Variants in ZNF385D observed in about 807,000 individuals in gnomAD.
ZNF385D encodes the protein zinc finger protein 659.
Under a neutral mutation model 35.8 loss-of-function variants are expected in ZNF385D, and 15 were observed. That is an observed-to-expected ratio of 0.42 (90% confidence interval 0.28 to 0.64). The LOEUF (loss-of-function observed/expected upper bound fraction) is 0.64, where lower values mean the gene tolerates loss of function less well. Among genes scored for constraint, ZNF385D ranks in the 30% least tolerant of loss-of-function variants. The pLI is 0.23. For synonymous variants in ZNF385D, 212 were observed against 186.8 expected (o/e 1.13, Z -1.10); for missense variants, 474 against 494.6 (o/e 0.96, Z 0.39).
At chr3:22,110,117 T>C (rs200605552) in intron 3 of ZNF385D, among the ~76,000 whole-genome samples, 4 of 151,744 alleles carry the variant, frequency 2.6e-5, no homozygotes, top group Admixed American at 6.6e-5. Context: ...AGAATGGCAA[T>C]CATTAAAAAG....
At chr3:22,243,349 T>A (rs1180910952) in intron 2 of ZNF385D, among the ~76,000 whole-genome samples, 1 of 151,132 alleles carries the variant, frequency 6.6e-6, no homozygotes, top group Non-Finnish European at 1.5e-5. Flanking sequence ...AGAGAATGGC[T>A]ACAATCAAAA....
intron 3 of ZNF385D, among the ~76,000 whole-genome samples, chr3:21,922,085 G>A (rs1031837928): frequency 3.9e-5 from 6 of 151,978 alleles, no homozygotes; most frequent in African/African-American, 1.4e-4. Flanking sequence ...AACCAAGGGG[G>A]TGAAAGATCT....
intron 3 of ZNF385D, among the ~76,000 whole-genome samples, chr3:22,002,892 T>C (rs1651389684): frequency 6.6e-6 from 1 of 152,084 alleles, no homozygotes; most frequent in Admixed American, 6.5e-5. Context: ...TGATAAAACA[T>C]CTCAACAAAT....
At chr3:22,062,498 G>A (rs748990883) in intron 3 of ZNF385D, among the ~76,000 whole-genome samples, 3 of 152,204 alleles carry the variant, frequency 2.0e-5, no homozygotes, top group Non-Finnish European at 4.4e-5. Context: ...CAGCAATCAT[G>A]AAAGTTGTTT....
At chr3:22,249,153 A>G (rs1225566901) in intron 2 of ZNF385D, among the ~76,000 whole-genome samples, 2 of 152,140 alleles carry the variant, frequency 1.3e-5, no homozygotes, top group Non-Finnish European at 1.5e-5. Context: ...AGCCATGTCC[A>G]TTCTAAATCC....
chr3:21,863,568 G>C (rs1360160544), intron 3 of ZNF385D, among the ~76,000 whole-genome samples: 1 of 152,158 alleles, frequency 6.6e-6, no homozygotes, highest in South Asian at 2.1e-4. Flanking sequence ...CCCAGGGCTA[G>C]CTAGTAGTTA....
chr3:21,622,104 A>G (rs1236467082), intron 2 of ZNF385D, among the ~76,000 whole-genome samples: 1 of 152,088 alleles, frequency 6.6e-6, no homozygotes, highest in East Asian at 1.9e-4. Flanking sequence ...GCTTCCACTC[A>G]TTTTTTAATG....
intron 3 of ZNF385D, among the ~76,000 whole-genome samples, chr3:22,049,697 CTTAT>C (rs752065509): frequency 1.9e-4 from 29 of 152,132 alleles, no homozygotes; most frequent in Admixed American, 2.6e-4. Flanking sequence ...CTTTCTATAC[CTTAT>C]TTATTGAGAT....
At chr3:21,464,585 A>G (rs535045521) in intron 4 of ZNF385D, among the ~76,000 whole-genome samples, 1 of 152,282 alleles carries the variant, frequency 6.6e-6, no homozygotes, top group South Asian at 2.1e-4. Flanking sequence ...TAAATAGATT[A>G]CGCTCTAGAA....
intron 2 of ZNF385D, among the ~76,000 whole-genome samples, chr3:21,588,087 A>G (rs985795046): frequency 3.9e-5 from 6 of 152,168 alleles, no homozygotes; most frequent in African/African-American, 1.4e-4. Context: ...CCTGGTCTCA[A>G]TGAGTGTGCA....
rs144606223 is a variant in ZNF385D, at chr3:22,344,595, T to C, written c.106+27855A>G. Among the ~76,000 whole-genome samples the C allele has an allele frequency of 9.9e-3, 1,508 of 152,080 alleles. 33 individuals are homozygous for C. The highest frequency in any genetic ancestry group is 0.034 in the African/African-American group (1,394 of 41,472). ...TTTGTTTTTTTGTTTTGTTTTTTTGTATTTTTTGTAGAGAAGGGGTTTTGC... is the reference window on the plus strand; with the variant it reads ...TTTGTTTTTTTGTTTTGTTTTTTTGCATTTTTTGTAGAGAAGGGGTTTTGC... On this transcript the variant is annotated intron_variant, in intron 2 of 5. Coordinates refer to the ZNF385D transcript ENST00000494108.
At chr3:21,850,165 T>TAA (rs79575463) in intron 3 of ZNF385D, among the ~76,000 whole-genome samples, 3 of 152,032 alleles carry the variant, frequency 2.0e-5, no homozygotes, top group South Asian at 4.1e-4. Context: ...ATAATAGATA[T>TAA]AAAAATGTAT....
intron 2 of ZNF385D, among the ~76,000 whole-genome samples, chr3:22,321,560 T>G (rs1575115048): frequency 6.6e-6 from 1 of 151,946 alleles, no homozygotes; most frequent in Non-Finnish European, 1.5e-5. Flanking sequence ...AGAGGCAGGG[T>G]TTCACTGTGT....
intron 3 of ZNF385D, among the ~76,000 whole-genome samples, chr3:22,156,602 T>G (rs752492734): frequency 6.6e-6 from 1 of 152,114 alleles, no homozygotes; most frequent in Non-Finnish European, 1.5e-5. Flanking sequence ...TTTCCCCCAG[T>G]ACATGTTAGA....
chr3:21,564,830 A>G (rs1054953271), intron 2 of ZNF385D, 146 bp from the exon 3 acceptor site: 1 of 417,862 alleles, frequency 2.4e-6, no homozygotes, highest in East Asian at 3.5e-5. Flanking sequence ...AAGAAACAAC[A>G]TTTTTACTTT....
intron 3 of ZNF385D, chr3:21,777,843 G>T (rs1465919640): frequency 6.6e-6 from 1 of 151,772 alleles, no homozygotes; most frequent in Non-Finnish European, 1.5e-5. Flanking sequence ...AACCTACCCT[G>T]CTGAGTCTCT....
intron 2 of ZNF385D, among the ~76,000 whole-genome samples, chr3:22,271,777 A>T: frequency 6.6e-6 from 1 of 151,978 alleles, no homozygotes; most frequent in East Asian, 1.9e-4. Flanking sequence ...AGTCAGACTC[A>T]AAGTTAGCCT....
intron 3 of ZNF385D, among the ~76,000 whole-genome samples, chr3:21,955,883 AG>A (rs752799756): frequency 9.2e-5 from 14 of 152,124 alleles, no homozygotes; most frequent in Non-Finnish European, 1.6e-4. Context: ...TTTCACAAGT[AG>A]GTAAGAACCT....
intron 3 of ZNF385D, among the ~76,000 whole-genome samples, chr3:21,792,759 T>C: frequency 6.6e-6 from 1 of 152,196 alleles, no homozygotes; most frequent in South Asian, 2.1e-4. Context: ...TTGCATAAAG[T>C]TCAATGTCCA....
Sources: gnomAD v4.1 joint callset for allele counts (sites outside exome capture counted in the v4.1 genomes callset) on GRCh38, gnomAD v4.1.1 for gene constraint, MANE v1.5 for transcripts, NCBI Gene and HGNC (gene_info 2026-07-23, HGNC 2026-07-21) for gene names.